GALNT13: variants seen among roughly 807,000 people sequenced by gnomAD.
GALNT13 encodes the protein polypeptide N-acetylgalactosaminyltransferase 13.
Under a neutral mutation model 64.2 loss-of-function variants are expected in GALNT13, and 28 were observed. The observed-to-expected ratio is 0.44, with a 90% CI of 0.32 to 0.60. GALNT13 has a LOEUF of 0.60. GALNT13 is among the 20% of genes least tolerant of loss of function. The pLI is 0.05. For synonymous variants in GALNT13, 214 were observed against 224.6 expected (o/e 0.95, Z 0.42); for missense variants, 577 against 669.8 (o/e 0.86, Z 1.53).
chr2:154,342,873 T>C (rs1174005162), intron 9 of GALNT13, among the ~76,000 whole-genome samples: 3 of 151,920 alleles, frequency 2.0e-5, no homozygotes, highest in Non-Finnish European at 4.4e-5. Context: ...GTATTTAAGC[T>C]TTAAAATATT....
chr2:153,928,457 A>G (rs1690298739), intron 2 of GALNT13, among the ~76,000 whole-genome samples: 1 of 152,100 alleles, frequency 6.6e-6, no homozygotes, highest in Non-Finnish European at 1.5e-5. Flanking sequence ...GGAACTGTCT[A>G]AATGCTCTAG....
At chr2:154,336,143 C>T (rs746522255) in intron 9 of GALNT13, among the ~76,000 whole-genome samples, 1 of 152,080 alleles carries the variant, frequency 6.6e-6, no homozygotes, top group Non-Finnish European at 1.5e-5. Flanking sequence ...AGCACACCTA[C>T]AAGTCTAGTT....
the GALNT13 span, among the ~76,000 whole-genome samples, chr2:153,539,490 T>G: frequency 5.3e-5 from 8 of 152,134 alleles, no homozygotes; most frequent in African/African-American, 1.9e-4. Context: ...TCAATGGTAA[T>G]GCCTAGGTTT....
chr2:153,632,490 G>GA, the GALNT13 span, among the ~76,000 whole-genome samples: 272 of 152,088 alleles, frequency 1.8e-3, no homozygotes, highest in Middle Eastern at 0.02. Context: ...TTCACTGCCT[G>GA]AAAAAATCCC....
At chr2:153,268,268 T>C in the GALNT13 span, among the ~76,000 whole-genome samples, 5 of 152,104 alleles carry the variant, frequency 3.3e-5, no homozygotes, top group Admixed American at 2.0e-4. Context: ...AAATGGGAGA[T>C]ATTGGCCAAA....
chr2:153,355,049 T>C, the GALNT13 span, among the ~76,000 whole-genome samples: 1 of 152,158 alleles, frequency 6.6e-6, no homozygotes, highest in African/African-American at 2.4e-5. Flanking sequence ...AAGTGCATTC[T>C]CTAGAGAAGA....
intron 4 of GALNT13, among the ~76,000 whole-genome samples, chr2:154,214,061 C>T (rs963503602): frequency 6.6e-6 from 1 of 152,102 alleles, no homozygotes; most frequent in African/African-American, 2.4e-5. Context: ...ATAAAACTCA[C>T]CAATGATGTA....
At chr2:153,562,042 T>TTCTCTCTCTCTC in the GALNT13 span, among the ~76,000 whole-genome samples, 3 of 112,736 alleles carry the variant, frequency 2.7e-5, no homozygotes, top group African/African-American at 1.0e-4. Context: ...CTCTCTCTCT[T>TTCTCTCTCTCTC]TCTCTCTCTC....
chr2:153,667,316 C>T, the GALNT13 span, among the ~76,000 whole-genome samples: 1 of 152,156 alleles, frequency 6.6e-6, no homozygotes, highest in Non-Finnish European at 1.5e-5. Flanking sequence ...GACAACCATC[C>T]CTAAGACACA....
At chr2:153,903,331 C>T (rs1021565900) in intron 2 of GALNT13, among the ~76,000 whole-genome samples, 1 of 151,868 alleles carries the variant, frequency 6.6e-6, no homozygotes, top group Non-Finnish European at 1.5e-5. Context: ...CTAATTTTGA[C>T]GAGGGAAAAA....
intron 10 of GALNT13, among the ~76,000 whole-genome samples, chr2:154,398,072 C>T (rs1699137735): frequency 1.3e-5 from 2 of 152,174 alleles, no homozygotes; most frequent in African/African-American, 4.8e-5. Context: ...TTACAAATCA[C>T]TGAAGATCTC....
the GALNT13 span, among the ~76,000 whole-genome samples, chr2:153,845,726 A>G: frequency 1.3e-5 from 2 of 152,212 alleles, no homozygotes; most frequent in Admixed American, 1.3e-4. Context: ...AATATTTTCC[A>G]AAACTGACAA....
chr2:153,383,035 T>A, the GALNT13 span, among the ~76,000 whole-genome samples: 84 of 152,230 alleles, frequency 5.5e-4, 1 homozygote, highest in African/African-American at 2.0e-3. Flanking sequence ...AATTCTTTTT[T>A]AAAAAATTCA....
chr2:153,859,969 T>C, the GALNT13 span, among the ~76,000 whole-genome samples: 4 of 152,184 alleles, frequency 2.6e-5, no homozygotes, highest in Admixed American at 1.3e-4. Context: ...CCTCTTTTCA[T>C]TGGTACTAAT....
chr2:153,178,482 T>C, the GALNT13 span, among the ~76,000 whole-genome samples: 1 of 152,206 alleles, frequency 6.6e-6, no homozygotes, highest in African/African-American at 2.4e-5. Context: ...TTTTGTCATA[T>C]GTCTATTGGC....
At chr2:154,073,461 T>C (rs1357800039) in intron 3 of GALNT13, among the ~76,000 whole-genome samples, 1 of 151,964 alleles carries the variant, frequency 6.6e-6, no homozygotes, top group Non-Finnish European at 1.5e-5. Context: ...AGAAAACTTG[T>C]ATCCATGTTC....
At chr2:153,585,497 GA>G in the GALNT13 span, among the ~76,000 whole-genome samples, 1 of 152,140 alleles carries the variant, frequency 6.6e-6, no homozygotes, top group South Asian at 2.1e-4. Flanking sequence ...AAAAGGTTTA[GA>G]AAACCTATTT....
At chr2:153,582,527 T>C in the GALNT13 span, among the ~76,000 whole-genome samples, 1 of 152,270 alleles carries the variant, frequency 6.6e-6, no homozygotes, top group South Asian at 2.1e-4. Flanking sequence ...CCAAAAGATA[T>C]ATATCTCTCC....
At chr2:153,302,566 T>G in the GALNT13 span, among the ~76,000 whole-genome samples, 4 of 152,182 alleles carry the variant, frequency 2.6e-5, no homozygotes, top group Non-Finnish European at 5.9e-5. Context: ...AGAAGCTTTT[T>G]AGTTCTATGT....
Sources: gnomAD v4.1 joint callset for allele counts (sites outside exome capture counted in the v4.1 genomes callset) on GRCh38, gnomAD v4.1.1 for gene constraint, MANE v1.5 for transcripts, NCBI Gene and HGNC (gene_info 2026-07-23, HGNC 2026-07-21) for gene names.